The following RSL1D1 variants were observed in gnomAD, a reference collection of about 807,000 sequenced individuals.
RSL1D1 encodes the protein ribosomal L1 domain-containing protein 1.
In RSL1D1, 34 loss-of-function variants were observed where a neutral mutation model predicts 44.6. The observed-to-expected ratio is 0.76, with a 90% CI of 0.58 to 1.02. The LOEUF is 1.02. RSL1D1 is among the 50% of genes least tolerant of loss of function. RSL1D1 has a pLI of 0.00. For synonymous variants in RSL1D1, 271 were observed against 207.4 expected, an observed-to-expected ratio of 1.31 and a Z score of -2.63; for missense variants, 767 against 568.1, an observed-to-expected ratio of 1.35 and a Z score of -3.56.
chr16:11,849,269 G>A (rs1022813867), intron 2 of RSL1D1: 11 of 152,202 alleles, frequency 7.2e-5, no homozygotes, highest in Admixed American at 7.2e-4. Context: ...TGTAGTCCCA[G>A]CTACTTGGAA....
Position 11,851,469 on chromosome 16 carries a change from G to T in RSL1D1, c.44C>A (p.Thr15Asn). The change falls in exon 1 of 9, where the codon ACT becomes AAT. Residue 15 changes from threonine (T) to asparagine (N), a missense_variant. Coordinates refer to ENST00000571133, the MANE Select transcript of RSL1D1 (RefSeq NM_015659.3). Reference protein sequence around the residue: ...ASASLSSAAATGTSTSTPAAP... With the variant: ...ASASLSSAAANGTSTSTPAAP... The stretch of plus-strand genomic sequence containing the variant: ...CGCTGGAGTCGAGGTGGAGGTTCCA[G>T]TAGCGGCTGCAGAAGACAGCGAGGC... 1 of 1,614,110 alleles carries T rather than the reference G, an allele frequency of 6.2e-7. No homozygotes were observed. The highest frequency in any genetic ancestry group is 8.5e-7 in the Non-Finnish European group (1 of 1,179,990).
intron 7 of RSL1D1, among the ~76,000 whole-genome samples, chr16:11,841,083 G>A (rs138303022): frequency 9.9e-5 from 15 of 152,222 alleles, no homozygotes; most frequent in African/African-American, 3.6e-4. Context: ...CCGGAAATAT[G>A]TGGTAGGAAC....
intron 5 of RSL1D1, among the ~76,000 whole-genome samples, chr16:11,843,177 C>CGCCG (rs2053774820): frequency 6.6e-6 from 1 of 151,260 alleles, no homozygotes; most frequent in Non-Finnish European, 1.5e-5. Flanking sequence ...TCAGGTGATC[C>CGCCG]GCCTGCCTCG....
intron 5 of RSL1D1, 33 bp from the exon 6 acceptor site, chr16:11,842,033 A>G: frequency 6.8e-7 from 1 of 1,477,888 alleles, no homozygotes. Flanking sequence ...ACAAGATTTT[A>G]AAAAACCATT....
At chr16:11,843,620 G>A (rs574399902) in intron 5 of RSL1D1, among the ~76,000 whole-genome samples, 15 of 151,878 alleles carry the variant, frequency 9.9e-5, no homozygotes, top group African/African-American at 3.6e-4. Context: ...TGTAATCCCA[G>A]CACGTTGGGA....
rs981079180 is a variant in RSL1D1 at position 11,835,795 on chromosome 16, G to T, written c.*1992C>A. On this transcript the variant is annotated 3_prime_UTR_variant, in exon 9 of 9. Coordinates refer to ENST00000571133, the MANE Select transcript of RSL1D1 (RefSeq NM_015659.3). ...GAGTGTTGGGAGAAGCTGAGGCAGG[G>T]CTTGCATTCTGACATAATGTAAAAG... 2.0e-5 allele frequency: 3 copies of T among 152,298 alleles called. No homozygotes were observed. Among genetic ancestry groups the T allele is most frequent in the African/African-American group, 7.2e-5 (3 of 41,444 alleles). The allele number at this position is 152,298 out of a possible 1,614,324, so 9.4% of individuals were successfully genotyped here. A position where few individuals can be genotyped will look rare whatever the true frequency, so the allele number is the denominator to read the frequency against.
intron 5 of RSL1D1, among the ~76,000 whole-genome samples, chr16:11,843,162 C>T (rs1343727975): frequency 4.0e-5 from 6 of 150,760 alleles, no homozygotes; most frequent in Non-Finnish European, 3.0e-5. Flanking sequence ...CTCAAACTCC[C>T]GACCTCAGGT....
rs755535628 is a variant in RSL1D1 at position 11,846,873 on chromosome 16, G to A, written c.385-30C>T. The A allele has an allele frequency of 1.3e-5, 20 of 1,548,592 alleles. No homozygotes were observed. In the East Asian group the frequency reaches 4.0e-4, roughly 31 times the overall value. On this transcript the variant is annotated intron_variant, in intron 3 of 8. Transcript: ENST00000571133. Reference sequence around the variant, plus strand: ...GAAGTATAGAGAAGAATAAAAACAAGAAGTTAGGAATCTAAACAAGGAGAA... The same window carrying A: ...GAAGTATAGAGAAGAATAAAAACAAAAAGTTAGGAATCTAAACAAGGAGAA...
In RSL1D1 at chr16:11,838,095, C is replaced by A. The variant is rs2053735251; in HGVS notation, c.1165G>T (p.Gly389Ter). 5 of 1,568,566 alleles carry A rather than the reference C, an allele frequency of 3.2e-6. No individual in the cohort carries two copies. Among genetic ancestry groups the A allele is most frequent in the Non-Finnish European group, 4.3e-6 (5 of 1,165,158 alleles). Residue 389 changes from glycine to a stop codon, truncating the protein, a stop_gained, in exon 9 of 9, where the codon GGA becomes TGA. Transcript: ENST00000571133. LOFTEE classifies it low-confidence loss of function (END_TRUNC). ...GGACTCTTTGCTGGAGACTTCTTTC[C>A]TGTGGCATGTTTTTGAATCTAAGAA... ...EKVEIQKHATGKKSPAKSPNP... is the reference protein window; with the variant it reads ...EKVEIQKHAT
Position 11,847,791 on chromosome 16 carries a change from A to G in RSL1D1, c.261T>C (p.Ser87=). 8.7e-6 allele frequency: 14 copies of G among 1,613,488 alleles called. No homozygotes were observed. The highest frequency in any genetic ancestry group is 1.2e-5 in the Non-Finnish European group (14 of 1,179,770). ...ELRVRLTLPH[S]IRSDSEDICL... is the part of the protein sequence containing the mutation. ...AGATATCTTCTGAATCTGATCGAAT[A>G]CTATGAGGCAAGGTCCTACAAAATA... The change falls in exon 3 of 9, where the codon AGT becomes AGC. Residue 87 remains serine, a synonymous_variant. Transcript: ENST00000571133.
In RSL1D1 at chr16:11,846,738, G is replaced by T; in HGVS notation, c.490C>A (p.Leu164Ile). The T allele has an allele frequency of 6.2e-7, 1 of 1,614,136 alleles. No individual in the cohort carries two copies. Among genetic ancestry groups the T allele is most frequent in the Non-Finnish European group, 8.5e-7 (1 of 1,179,992 alleles). The stretch of plus-strand genomic sequence containing the variant: ...TGTCTCCCAATGAGTGAGGGTAAGA[G>T]CCGCCTAATTCTGGCATCAGTAAGG... The part of the protein sequence containing the change: ...FFLTDARIRR[L>I]LPSLIGRHFY... Residue 164 changes from leucine (L) to isoleucine (I), a missense_variant, in exon 4 of 9, where the codon CTC (leucine) becomes ATC (isoleucine). Coordinates refer to ENST00000571133, the MANE Select transcript of RSL1D1 (RefSeq NM_015659.3).
intron 1 of RSL1D1, chr16:11,851,161 G>A (rs374557849): frequency 2.0e-5 from 11 of 560,722 alleles, no homozygotes; most frequent in East Asian, 6.2e-5. Context: ...CAGGTCGCCA[G>A]GTCTATCTCA....
In RSL1D1 at chr16:11,837,828, T is replaced by G. The variant is rs563090505; in HGVS notation, c.1432A>C (p.Lys478Gln). The part of the protein sequence containing the change: ...KSVRKASHTP[K>Q]KWPKKPKVPQ... ...ACTTTGGGTTTTTTGGGCCATTTTT[T>G]GGGGGTGTGGGAAGCTTTTCTCACA... The change falls in exon 9 of 9, where the codon AAA becomes CAA. Residue 478 changes from lysine to glutamine, a missense_variant. Coordinates refer to ENST00000571133, the MANE Select transcript of RSL1D1 (RefSeq NM_015659.3). 121 of 1,611,140 alleles carry G rather than the reference T, an allele frequency of 7.5e-5. No individual in the cohort carries two copies. Among genetic ancestry groups the G allele is most frequent in the African/African-American group, 4.7e-4 (35 of 74,664 alleles).
intron 2 of RSL1D1, among the ~76,000 whole-genome samples, chr16:11,849,909 T>C (rs58472329): frequency 0.046 from 7,024 of 152,234 alleles, 373 homozygotes; most frequent in African/African-American, 0.13. Context: ...TGGAGTGCAA[T>C]GGAGACATCT....
At chr16:11,841,582 C>G (rs2141251529) in intron 7 of RSL1D1, 113 bp downstream of exon 7, 1 of 1,009,416 alleles carries the variant, frequency 9.9e-7, no homozygotes. Flanking sequence ...ACAACCACCA[C>G]AAAACCAGAA....
chr16:11,843,056 G>A (rs1458436713), intron 5 of RSL1D1, among the ~76,000 whole-genome samples: 3 of 151,116 alleles, frequency 2.0e-5, no homozygotes, highest in East Asian at 3.9e-4. Context: ...CGAGTAGCTG[G>A]GATTACAGGA....
intron 5 of RSL1D1, among the ~76,000 whole-genome samples, chr16:11,843,097 A>ATTTT (rs752674268): frequency 8.5e-6 from 1 of 118,286 alleles, no homozygotes; most frequent in African/African-American, 3.1e-5. Flanking sequence ...AATTTTTTGT[A>ATTTT]TTTTTTTTTT....
rs560761591 is a variant in RSL1D1, at chr16:11,850,434, T to C, written c.106-16A>G. The C allele has an allele frequency of 1.2e-4, 194 of 1,585,972 alleles. 1 individual carries two copies. Among genetic ancestry groups the C allele is most frequent in the South Asian group, 6.1e-4 (52 of 85,052 alleles). On this transcript the variant is annotated splice_polypyrimidine_tract_variant and intron_variant, in intron 1 of 8. Coordinates refer to ENST00000571133, the MANE Select transcript of RSL1D1 (RefSeq NM_015659.3). ...CCTTTCTAACCTGCAAAGTGGAAAT[T>C]AGACAAATAAGTGAAATGTTTTCAC...
At chr16:11,839,608 T>G (rs2053749390) in intron 8 of RSL1D1, 87 bp downstream of exon 8, 2 of 1,527,476 alleles carry the variant, frequency 1.3e-6, no homozygotes, top group Admixed American at 2.2e-5. Flanking sequence ...TCTAGTATTT[T>G]TCATCATTTA....
Sources: gnomAD v4.1 joint callset for allele counts (sites outside exome capture counted in the v4.1 genomes callset) on GRCh38, gnomAD v4.1.1 for gene constraint, MANE v1.5 for transcripts, NCBI Gene and HGNC (gene_info 2026-07-23, HGNC 2026-07-21) for gene names.